The following CNTNAP2 variants were observed in gnomAD, a reference collection of about 807,000 sequenced individuals.
CNTNAP2 encodes contactin associated protein 2.
In CNTNAP2, 98 loss-of-function variants were observed where a neutral mutation model predicts 155.2. The ratio of observed to expected loss-of-function variants is 0.63; its 90% CI spans 0.54 to 0.75. CNTNAP2 has a LOEUF of 0.75. CNTNAP2 is among the 30% of genes least tolerant of loss of function. The probability of loss-of-function intolerance (pLI) is 0.00; values close to 1 mark genes in which losing one functional copy is unlikely to be tolerated. For missense variants in CNTNAP2, 1,727 were observed against 1,688.1 expected (o/e 1.02, Z -0.40); for synonymous variants, 651 against 631.2 (o/e 1.03, Z -0.47).
rs539856025 is a variant in CNTNAP2, at chr7:146,164,591, T to G, written c.97+47618T>G. On this transcript the variant is annotated intron_variant, in intron 1 of 23. Transcript: ENST00000361727. ...CAACTCTTGATGAACTTGAATACCA[T>G]CAGTAGGTCTATTCTCAGTTTCCTT... Among the ~76,000 whole-genome samples the G allele has an allele frequency of 1.5e-3, 228 of 152,322 alleles. 1 individual carries two copies. The highest frequency in any genetic ancestry group is 5.4e-3 in the African/African-American group (225 of 41,572).
At chr7:147,051,017 G>A (rs1255154727) in intron 4 of CNTNAP2, among the ~76,000 whole-genome samples, 2 of 151,750 alleles carry the variant, frequency 1.3e-5, no homozygotes, top group African/African-American at 4.8e-5. Context: ...CTTCTTCTAA[G>A]GACATCGGTT....
chr7:146,187,005 G>C (rs1414210471), intron 1 of CNTNAP2, among the ~76,000 whole-genome samples: 1 of 152,058 alleles, frequency 6.6e-6, no homozygotes, highest in Non-Finnish European at 1.5e-5. Flanking sequence ...CACTAGCCCT[G>C]CATCTTAAAA....
intron 12 of CNTNAP2, among the ~76,000 whole-genome samples, chr7:147,624,170 G>C (rs954470365): frequency 6.6e-6 from 1 of 151,920 alleles, no homozygotes; most frequent in Non-Finnish European, 1.5e-5. Flanking sequence ...AAAACACTGG[G>C]GAAACTCTCC....
chr7:148,191,305 C>T lies in CNTNAP2; in HGVS notation c.3010+18827C>T, dbSNP rs375079804. On this transcript the variant is annotated intron_variant, in intron 18 of 23. Transcript: ENST00000361727. ...CCTCTTTCCTCTGTCTTCTCCCTCTCTCTGTGTCCTCTTCTCTTTGTCCTT... is the reference window on the plus strand; with the variant it reads ...CCTCTTTCCTCTGTCTTCTCCCTCTTTCTGTGTCCTCTTCTCTTTGTCCTT... 6.6e-4 allele frequency among the ~76,000 whole-genome samples: 101 copies of T among 152,264 alleles called. 1 individual carries two copies. In the South Asian group the frequency reaches 0.02, roughly 30 times the overall value.
intron 10 of CNTNAP2, among the ~76,000 whole-genome samples, chr7:147,427,042 G>A (rs988860302): frequency 8.6e-5 from 13 of 152,002 alleles, no homozygotes; most frequent in African/African-American, 2.4e-4. Flanking sequence ...GTCCAAAATC[G>A]AGGCACCAGC....
chr7:147,423,152 G>C (rs1182869054), intron 10 of CNTNAP2, among the ~76,000 whole-genome samples: 2 of 152,072 alleles, frequency 1.3e-5, no homozygotes, highest in Non-Finnish European at 2.9e-5. Flanking sequence ...TTAATTGCAA[G>C]ACACATGATG....
chr7:146,129,620 T>G (rs935207114), intron 1 of CNTNAP2, among the ~76,000 whole-genome samples: 6 of 152,232 alleles, frequency 3.9e-5, no homozygotes, highest in Non-Finnish European at 8.8e-5. Context: ...ATCTTCCAGT[T>G]ATTTTCTTTA....
intron 1 of CNTNAP2, among the ~76,000 whole-genome samples, chr7:146,291,629 C>G (rs1347835803): frequency 6.6e-6 from 1 of 152,074 alleles, no homozygotes; most frequent in African/African-American, 2.4e-5. Flanking sequence ...TGCTTAAGTA[C>G]TTGACACATA....
In CNTNAP2 at chr7:147,149,195, A is replaced by T. The variant is rs1033734448; in HGVS notation, c.1348+16686A>T. On this transcript the variant is annotated intron_variant, in intron 8 of 23. Coordinates refer to ENST00000361727, the MANE Select transcript of CNTNAP2 (RefSeq NM_014141.6). Reference sequence around the variant, plus strand: ...TTATGGAGTGCTGATTGGTGCATTTACAAGCCTTTAGCTAGACACAGAGTG... The same window carrying T: ...TTATGGAGTGCTGATTGGTGCATTTTCAAGCCTTTAGCTAGACACAGAGTG... Among the ~76,000 whole-genome samples the T allele has an allele frequency of 2.0e-5, 3 of 152,118 alleles. 1 individual carries two copies. Among genetic ancestry groups the T allele is most frequent in the Non-Finnish European group, 4.4e-5 (3 of 68,008 alleles).
intron 1 of CNTNAP2, among the ~76,000 whole-genome samples, chr7:146,345,764 T>C (rs911684628): frequency 6.6e-6 from 1 of 152,174 alleles, no homozygotes; most frequent in Non-Finnish European, 1.5e-5. Flanking sequence ...AAGAAAATGG[T>C]ATTTTGCTTT....
intron 1 of CNTNAP2, among the ~76,000 whole-genome samples, chr7:146,707,957 T>C (rs1800994776): frequency 6.6e-6 from 1 of 152,128 alleles, no homozygotes; most frequent in Admixed American, 6.6e-5. Context: ...TTTTTGATTA[T>C]GTATGCATCA....
chr7:147,556,439 A>G (rs1229354963), intron 11 of CNTNAP2, among the ~76,000 whole-genome samples: 1 of 152,154 alleles, frequency 6.6e-6, no homozygotes, highest in African/African-American at 2.4e-5. Context: ...TATATGGCAA[A>G]GGGACTTTGT....
At chr7:146,668,453 T>TGG (rs1800239088) in intron 1 of CNTNAP2, among the ~76,000 whole-genome samples, 1 of 150,830 alleles carries the variant, frequency 6.6e-6, no homozygotes. Flanking sequence ...TGTGTGTGTG[T>TGG]GTGTGTGTGT....
intron 1 of CNTNAP2, among the ~76,000 whole-genome samples, chr7:146,665,783 T>TAAAAAAACAAAAAAAACAAAAAAA (rs1554464843): frequency 8.3e-5 from 4 of 48,282 alleles, no homozygotes; most frequent in African/African-American, 4.5e-4. Flanking sequence ...TCTGTCTCAT[T>TAAAAAAACAAAAAAAACAAAAAAA]AAAAAAAAAA....
intron 3 of CNTNAP2, among the ~76,000 whole-genome samples, chr7:146,960,979 G>A (rs1377185300): frequency 5.3e-5 from 8 of 152,106 alleles, no homozygotes; most frequent in Non-Finnish European, 1.2e-4. Flanking sequence ...CCTTTTCTAA[G>A]TGGGCAGCTC....
At chr7:146,692,437 T>G (rs772499258) in intron 1 of CNTNAP2, among the ~76,000 whole-genome samples, 1 of 152,156 alleles carries the variant, frequency 6.6e-6, no homozygotes, top group Non-Finnish European at 1.5e-5. Context: ...GCTTGCTAAT[T>G]GTGGGTGCTT....
intron 13 of CNTNAP2, among the ~76,000 whole-genome samples, chr7:147,736,867 C>G (rs541931323): frequency 1.3e-5 from 2 of 152,342 alleles, no homozygotes; most frequent in Non-Finnish European, 2.9e-5. Flanking sequence ...TGGTTTTCAG[C>G]TCCATCAGGT....
chr7:148,077,090 C>G (rs1803501828), intron 15 of CNTNAP2, among the ~76,000 whole-genome samples: 1 of 152,024 alleles, frequency 6.6e-6, no homozygotes, highest in South Asian at 2.1e-4. Context: ...GGTGGCTCAC[C>G]TGAGGTCGGG....
chr7:147,414,209 G>C (rs1245403958), intron 10 of CNTNAP2, among the ~76,000 whole-genome samples: 1 of 152,058 alleles, frequency 6.6e-6, no homozygotes, highest in Non-Finnish European at 1.5e-5. Context: ...CCGATCGCTT[G>C]CGATCAGGAG....
Sources: allele counts gnomAD v4.1 joint callset (sites outside exome capture counted in the v4.1 genomes callset), GRCh38; gene constraint gnomAD v4.1.1; transcripts MANE v1.5; gene names NCBI Gene and HGNC (gene_info 2026-07-23, HGNC 2026-07-21).